The following RASSF8 variants were observed in gnomAD, a reference collection of about 807,000 sequenced individuals.
The protein encoded by RASSF8 is Ras association domain family member 8.
Under a neutral mutation model 48.5 loss-of-function variants are expected in RASSF8, and 22 were observed. That is an observed-to-expected ratio of 0.45 (90% CI 0.32 to 0.65). The LOEUF (loss-of-function observed/expected upper bound fraction) is 0.65. Among genes scored for constraint, RASSF8 ranks in the 30% least tolerant of loss-of-function variants. The pLI, the probability that RASSF8 is intolerant of heterozygous loss-of-function variation, is 0.03. For missense variants in RASSF8, 418 were observed against 489.2 expected (o/e 0.85, Z 1.37); for synonymous variants, 127 against 171.5 (o/e 0.74, Z 2.03).
At chr12:26,011,612 G>A (rs190851891) in intron 2 of RASSF8, 1 of 152,300 alleles carries the variant, frequency 6.6e-6, no homozygotes, top group African/African-American at 2.4e-5. Flanking sequence ...ACCTTTGGGT[G>A]GTGATTAGGT....
At chr12:26,021,184 C>A (rs1201212183) in intron 2 of RASSF8, among the ~76,000 whole-genome samples, 8 of 147,682 alleles carry the variant, frequency 5.4e-5, no homozygotes, top group Non-Finnish European at 1.0e-4. Context: ...AAACTATTTT[C>A]AAAAAAAAAA....
intron 2 of RASSF8, among the ~76,000 whole-genome samples, chr12:26,030,396 T>C (rs11048383): frequency 0.066 from 10,060 of 152,284 alleles, 735 homozygotes; most frequent in East Asian, 0.27. Context: ...TTCCATGTAA[T>C]TGTGCTTGTT....
At chr12:26,026,320 T>A (rs1390364176) in intron 2 of RASSF8, among the ~76,000 whole-genome samples, 4 of 152,214 alleles carry the variant, frequency 2.6e-5, no homozygotes, top group Admixed American at 6.5e-5. Context: ...TAGACAAATA[T>A]CTATGTACAA....
chr12:25,961,563 G>GT (rs1445463774), intron 1 of RASSF8, among the ~76,000 whole-genome samples: 2 of 152,126 alleles, frequency 1.3e-5, no homozygotes, highest in African/African-American at 4.8e-5. Context: ...TGGGTTGCAC[G>GT]TGTGACTTTG....
intron 2 of RASSF8, among the ~76,000 whole-genome samples, chr12:25,997,847 G>A (rs1331098774): frequency 2.6e-5 from 4 of 152,036 alleles, no homozygotes; most frequent in East Asian, 1.9e-4. Flanking sequence ...TTTTATTTCC[G>A]TTTTTAGAAG....
intron 2 of RASSF8, among the ~76,000 whole-genome samples, chr12:25,996,289 G>A (rs1361032160): frequency 6.6e-6 from 1 of 152,290 alleles, no homozygotes; most frequent in African/African-American, 2.4e-5. Flanking sequence ...TAAGAAAAAA[G>A]TAATGTGCTA....
chr12:26,070,976 A>C lies in RASSF8; in HGVS notation c.*2158A>C. 1 of 984,758 alleles carries C rather than the reference A, an allele frequency of 1.0e-6. No homozygotes were observed. The highest frequency in any genetic ancestry group is 1.1e-4 in the East Asian group (1 of 8,822). The allele number at this position is 984,758 out of a possible 1,614,324, so 61.0% of individuals were successfully genotyped here. A position where few individuals can be genotyped will look rare whatever the true frequency, so the allele number is the denominator to read the frequency against. On this transcript the variant is annotated 3_prime_UTR_variant, in exon 6 of 6. Coordinates refer to ENST00000689635, the MANE Select transcript of RASSF8 (RefSeq NM_001394098.1). Reference sequence around the variant, plus strand: ...TGTAGTAGTCTTGGGTTCCCAGCAGAGTATCACAGTTAACCTCTCTGACAA... The same window carrying C: ...TGTAGTAGTCTTGGGTTCCCAGCAGCGTATCACAGTTAACCTCTCTGACAA...
At chr12:26,043,704 A>G (rs1943313798) in intron 2 of RASSF8, among the ~76,000 whole-genome samples, 1 of 152,212 alleles carries the variant, frequency 6.6e-6, no homozygotes, top group African/African-American at 2.4e-5. Context: ...AGATGAATAA[A>G]TTGTGGTTTG....
intron 2 of RASSF8, among the ~76,000 whole-genome samples, chr12:26,043,089 G>C (rs1477215767): frequency 2.0e-5 from 3 of 152,150 alleles, no homozygotes; most frequent in African/African-American, 4.8e-5. Context: ...TTCTGTGCCA[G>C]CCACTATGCT....
intron 3 of RASSF8, among the ~76,000 whole-genome samples, chr12:26,057,971 T>C (rs1268771039): frequency 6.6e-6 from 1 of 152,154 alleles, no homozygotes; most frequent in Non-Finnish European, 1.5e-5. Flanking sequence ...TTTTATGGGG[T>C]TGTTTGCATA....
chr12:25,999,552 C>T (rs979601499), intron 2 of RASSF8, among the ~76,000 whole-genome samples: 1 of 152,034 alleles, frequency 6.6e-6, no homozygotes, highest in African/African-American at 2.4e-5. Context: ...GTTCAAGACC[C>T]TGTCTCTACA....
intron 1 of RASSF8, among the ~76,000 whole-genome samples, chr12:25,983,169 A>G (rs1240657172): frequency 6.6e-6 from 1 of 152,270 alleles, no homozygotes; most frequent in African/African-American, 2.4e-5. Flanking sequence ...GTTGTCAGAA[A>G]GAATGTAAAA....
chr12:26,034,402 GA>G (rs1220162656), intron 2 of RASSF8, among the ~76,000 whole-genome samples: 2 of 74,390 alleles, frequency 2.7e-5, no homozygotes, highest in East Asian at 3.9e-4. Context: ...AATAGCAGAT[GA>G]AGTAAAAAAA....
chr12:26,035,407 A>G, intron 2 of RASSF8, among the ~76,000 whole-genome samples: 1 of 93,990 alleles, frequency 1.1e-5, no homozygotes, highest in Non-Finnish European at 2.4e-5. Flanking sequence ...GAAATTATAT[A>G]ATTATATAAG....
intron 2 of RASSF8, among the ~76,000 whole-genome samples, chr12:26,002,274 A>G (rs1396827460): frequency 6.6e-6 from 1 of 151,918 alleles, no homozygotes; most frequent in Non-Finnish European, 1.5e-5. Context: ...CTCTACTAAA[A>G]ATACAAAAAT....
intron 2 of RASSF8, among the ~76,000 whole-genome samples, chr12:26,025,563 A>C (rs1942892030): frequency 1.1e-4 from 2 of 18,864 alleles, no homozygotes; most frequent in Admixed American, 4.7e-4. Context: ...ACTCTGTCTC[A>C]AAAAAAAAAA....
At chr12:26,041,670 TAAAC>T (rs150209512) in intron 2 of RASSF8, among the ~76,000 whole-genome samples, 7,814 of 151,872 alleles carry the variant, frequency 0.051, 243 homozygotes, top group East Asian at 0.12. Context: ...TCTACATACA[TAAAC>T]ATATATATAT....
intron 2 of RASSF8, among the ~76,000 whole-genome samples, chr12:25,996,430 G>GT (rs1173226159): frequency 1.3e-5 from 2 of 152,162 alleles, no homozygotes; most frequent in East Asian, 3.8e-4. Context: ...GGATCTATGT[G>GT]TAAGTTATAC....
At chr12:25,969,822 A>G (rs1052271452) in intron 1 of RASSF8, among the ~76,000 whole-genome samples, 8 of 152,034 alleles carry the variant, frequency 5.3e-5, no homozygotes, top group African/African-American at 1.9e-4. Context: ...TCTGGTATTT[A>G]GTGGCCAGGG....
Sources: allele counts gnomAD v4.1 joint callset (sites outside exome capture counted in the v4.1 genomes callset), GRCh38; gene constraint gnomAD v4.1.1; transcripts MANE v1.5; gene names NCBI Gene and HGNC (gene_info 2026-07-23, HGNC 2026-07-21).